Variants in CDH22 observed in about 807,000 individuals in gnomAD.
CDH22 encodes cadherin 22, also known as cadherin-22.
Under a neutral mutation model 58.4 loss-of-function variants are expected in CDH22, and 30 were observed. The ratio of observed to expected loss-of-function variants is 0.51; its 90% CI spans 0.38 to 0.70. The LOEUF (loss-of-function observed/expected upper bound fraction) is 0.70, where lower values mean the gene tolerates loss of function less well. Ranked by LOEUF, CDH22 falls within the 30% of genes least tolerant of loss-of-function variation. The pLI is 0.00. For synonymous variants in CDH22, 513 were observed against 558.2 expected (o/e 0.92, Z 1.14); for missense variants, 1,014 against 1,233.9 (o/e 0.82, Z 2.67).
chr20:46,202,148 A>C (rs2085965853), intron 7 of CDH22, among the ~76,000 whole-genome samples: 1 of 152,126 alleles, frequency 6.6e-6, no homozygotes, highest in Admixed American at 6.5e-5. Flanking sequence ...ACCAGGCCGA[A>C]GTGGGGAAGC....
chr20:46,231,650 C>T (rs1426931699), intron 3 of CDH22, among the ~76,000 whole-genome samples: 3 of 152,178 alleles, frequency 2.0e-5, no homozygotes, highest in Non-Finnish European at 1.5e-5. Context: ...CTGAGACTGA[C>T]ACCTGAAGGA....
At chr20:46,287,380 A>G (rs2086581078) in intron 1 of CDH22, among the ~76,000 whole-genome samples, 1 of 152,166 alleles carries the variant, frequency 6.6e-6, no homozygotes, top group African/African-American at 2.4e-5. Context: ...GATGACTATA[A>G]AAGAAAGGTA....
chr20:46,293,192 C>T (rs1308846918), intron 1 of CDH22, among the ~76,000 whole-genome samples: 2 of 152,166 alleles, frequency 1.3e-5, no homozygotes, highest in Admixed American at 6.5e-5. Flanking sequence ...AGACTGCCCC[C>T]ATCCCCAGTC....
chr20:46,196,521 C>G (rs2085903874), intron 8 of CDH22, among the ~76,000 whole-genome samples: 1 of 152,114 alleles, frequency 6.6e-6, no homozygotes, highest in Non-Finnish European at 1.5e-5. Context: ...TGATCTGACC[C>G]CTTTGGCCTC....
chr20:46,308,090 C>T lies in CDH22; in HGVS notation c.-400+165G>A, dbSNP rs1332201215. Among the ~76,000 whole-genome samples the T allele has an allele frequency of 6.6e-6, 1 of 151,370 alleles. No individual in the cohort carries two copies. The highest frequency in any genetic ancestry group is 2.4e-5 in the African/African-American group (1 of 41,334). The stretch of plus-strand genomic sequence containing the variant: ...CGCCCTCCCGGCCGAGAGGAGGGGG[C>T]GCGCAGGGCCGGGCGCAGGCACCCC... On this transcript the variant is annotated intron_variant, in intron 1 of 11. Coordinates refer to ENST00000537909, the MANE Select transcript of CDH22 (RefSeq NM_021248.3). The surrounding 1 kb of genome is among the most constrained non-coding windows in gnomAD (Gnocchi z 4.3).
chr20:46,210,414 C>T lies in CDH22; in HGVS notation c.1179G>A (p.Glu393=). ...CCAGGAGGCCGGAGGGCGGCCGGAA[C>T]TCGGGGGGCTCGTCCACGTCGGTCA... ...VAVTDVDEPP[E]FRPPSGLLEV... is the part of the protein sequence containing the mutation. The change falls in exon 7 of 12, where the codon GAG becomes GAA. Residue 393 remains glutamate, a synonymous_variant. Transcript: ENST00000537909. This position sits in a 1 kb window ranked among gnomAD's most constrained non-coding sequence, Gnocchi z 4.5. 6.9e-7 allele frequency: 1 copy of T among 1,458,674 alleles called. No individual in the cohort carries two copies. The highest frequency in any genetic ancestry group is 9.0e-7 in the Non-Finnish European group (1 of 1,105,602). 90.4% of individuals were successfully genotyped at this position (1,458,674 alleles called of 1,614,324 possible). A position where few individuals can be genotyped will look rare whatever the true frequency, so the allele number is the denominator to read the frequency against.
rs767644336 is a variant in CDH22, at chr20:46,251,146, C to T, written c.149G>A (p.Arg50Gln). 3.8e-6 allele frequency: 6 copies of T among 1,596,384 alleles called. No homozygotes were observed. Among genetic ancestry groups the T allele is most frequent in the East Asian group, 4.8e-5 (2 of 42,032 alleles). ...GTPSPSAPGARQDGALGAGRV... is the reference protein window; with the variant it reads ...GTPSPSAPGAQQDGALGAGRV... Reference sequence around the variant, plus strand: ...GCCGGCTCCCAGCGCGCCGTCCTGCCGAGCTCCGGGCGCCGACGGCGAGGG... The same window carrying T: ...GCCGGCTCCCAGCGCGCCGTCCTGCTGAGCTCCGGGCGCCGACGGCGAGGG... Residue 50 changes from arginine to glutamine, a missense_variant, in exon 2 of 12, where the codon CGG becomes CAG. Around this residue, in one of 2 missense-constraint regions of CDH22, gnomAD observed 806 missense variants for 1,038.7 expected, o/e 0.78. Coordinates refer to ENST00000537909, the MANE Select transcript of CDH22 (RefSeq NM_021248.3). This position sits in a 1 kb window ranked among gnomAD's most constrained non-coding sequence, Gnocchi z 6.7.
intron 8 of CDH22, among the ~76,000 whole-genome samples, chr20:46,190,017 G>A (rs1456828298): frequency 6.6e-6 from 1 of 152,002 alleles, no homozygotes; most frequent in Non-Finnish European, 1.5e-5. Context: ...CTATGCTAGG[G>A]TGACTGGGAG....
chr20:46,294,030 T>C (rs2086617944), intron 1 of CDH22, among the ~76,000 whole-genome samples: 1 of 152,002 alleles, frequency 6.6e-6, no homozygotes, highest in Admixed American at 6.6e-5. Flanking sequence ...AAAAAAACAC[T>C]TATATTATGT....
intron 1 of CDH22, among the ~76,000 whole-genome samples, chr20:46,260,922 C>A (rs1355688470): frequency 6.6e-6 from 1 of 152,194 alleles, no homozygotes; most frequent in Admixed American, 6.5e-5. Context: ...CAGAGCGACC[C>A]CCAGACAGAA....
chr20:46,177,573 GA>G (rs1250561294), intron 11 of CDH22, among the ~76,000 whole-genome samples: 1 of 152,154 alleles, frequency 6.6e-6, no homozygotes, highest in Non-Finnish European at 1.5e-5. Flanking sequence ...GCTTTCATCT[GA>G]AAAATGGGAT....
At chr20:46,265,287 G>A (rs1048382358) in intron 1 of CDH22, among the ~76,000 whole-genome samples, 3 of 152,004 alleles carry the variant, frequency 2.0e-5, no homozygotes, top group African/African-American at 7.3e-5. Flanking sequence ...CCTCCAAACC[G>A]CCTCCTCCTT....
intron 1 of CDH22, among the ~76,000 whole-genome samples, chr20:46,265,488 G>A (rs1260142328): frequency 6.6e-6 from 1 of 152,178 alleles, no homozygotes; most frequent in East Asian, 1.9e-4. Flanking sequence ...AGCTCCTACT[G>A]TGTGTCCCAT....
At chr20:46,238,676 C>T (rs1287097883) in intron 3 of CDH22, among the ~76,000 whole-genome samples, 2 of 152,360 alleles carry the variant, frequency 1.3e-5, no homozygotes, top group East Asian at 1.9e-4. Context: ...TTCTTTCACA[C>T]TCCATATCCA....
At chr20:46,236,972 C>A (rs1168378166) in intron 3 of CDH22, among the ~76,000 whole-genome samples, 3 of 152,202 alleles carry the variant, frequency 2.0e-5, no homozygotes, top group African/African-American at 7.2e-5. Flanking sequence ...GGATTACAGG[C>A]ATGGGCCACC....
At chr20:46,218,678 T>C (rs2086102970) in intron 4 of CDH22, among the ~76,000 whole-genome samples, 1 of 152,058 alleles carries the variant, frequency 6.6e-6, no homozygotes, top group Non-Finnish European at 1.5e-5. Flanking sequence ...CCCTAGATCC[T>C]CTATCCAGGC....
At chr20:46,175,565 C>T (rs368403272) in intron 11 of CDH22, among the ~76,000 whole-genome samples, 1 of 152,210 alleles carries the variant, frequency 6.6e-6, no homozygotes, top group Non-Finnish European at 1.5e-5. Flanking sequence ...TCCTTTGGTT[C>T]TCAGGTCAAG....
Position 46,210,668 on chromosome 20 carries a change from T to G in CDH22, c.1033-108A>C. ...GGTTGGCCCAAGGTCACACGTTGTC[T>G]CAGCAGGGGCGGCAGGGATGTTTGG... On this transcript the variant is annotated intron_variant, in intron 6 of 11. Coordinates refer to ENST00000537909, the MANE Select transcript of CDH22 (RefSeq NM_021248.3). The surrounding 1 kb of genome is among the most constrained non-coding windows in gnomAD (Gnocchi z 4.5). 1 of 1,096,428 alleles carries G rather than the reference T, an allele frequency of 9.1e-7. No homozygotes were observed. The highest frequency in any genetic ancestry group is 2.5e-5 in the South Asian group (1 of 39,494). 67.9% of individuals were successfully genotyped at this position (1,096,428 alleles called of 1,614,324 possible).
intron 3 of CDH22, among the ~76,000 whole-genome samples, chr20:46,234,663 T>C (rs561590845): frequency 6.6e-6 from 1 of 152,340 alleles, no homozygotes; most frequent in South Asian, 2.1e-4. Flanking sequence ...GTCAATTCTA[T>C]GGCATGTGCG....
Sources: allele counts gnomAD v4.1 joint callset (sites outside exome capture counted in the v4.1 genomes callset), GRCh38; gene constraint gnomAD v4.1.1; regional missense constraint gnomAD v4.1.1; non-coding constraint Gnocchi (gnomAD v3.1); transcripts MANE v1.5; gene names NCBI Gene and HGNC (gene_info 2026-07-23, HGNC 2026-07-21).